Variants in ZDHHC17 observed in about 807,000 individuals in gnomAD.
ZDHHC17 encodes palmitoyltransferase ZDHHC17.
Under a neutral mutation model 90.3 loss-of-function variants are expected in ZDHHC17, and 40 were observed. That is an observed-to-expected ratio of 0.44 (90% CI 0.34 to 0.58). The LOEUF is 0.58. Ranked by LOEUF, ZDHHC17 falls within the 20% of genes least tolerant of loss-of-function variation. The pLI is 0.01. For missense variants in ZDHHC17, 614 were observed against 780.8 expected, an observed-to-expected ratio of 0.79 and a Z score of 2.55; for synonymous variants, 235 against 252.4, an observed-to-expected ratio of 0.93 and a Z score of 0.65.
intron 16 of ZDHHC17, chr12:76,849,672 A>T (rs978450711): frequency 2.7e-6 from 1 of 375,716 alleles, no homozygotes; most frequent in African/African-American, 2.1e-5. Flanking sequence ...ATCTCCTTAT[A>T]TTTTTTTCTT....
intron 2 of ZDHHC17, among the ~76,000 whole-genome samples, chr12:76,804,360 A>T (rs1421865509): frequency 1.3e-5 from 2 of 152,248 alleles, no homozygotes; most frequent in East Asian, 3.8e-4. Flanking sequence ...CCTATGAGGA[A>T]GATAGTAAAT....
rs375693079 is a variant in ZDHHC17, at chr12:76,797,495, A to C, written c.155A>C (p.His52Pro). 1.2e-6 allele frequency: 2 copies of C among 1,611,678 alleles called. No individual in the cohort carries two copies. The highest frequency in any genetic ancestry group is 1.7e-6 in the Non-Finnish European group (2 of 1,178,840). The change falls in exon 2 of 17, where the codon CAT (histidine) becomes CCT (proline). Residue 52 changes from histidine to proline, a missense_variant. Coordinates refer to ENST00000426126, the MANE Select transcript of ZDHHC17 (RefSeq NM_015336.4). ...GGTGAACCTCTTGGACGGAAAACTC[A>C]TATTGATGATTACAGCACATGGGAC... is the stretch of plus-strand genomic sequence containing the variant. ...GYGEPLGRKT[H>P]IDDYSTWDIV...
intron 8 of ZDHHC17, among the ~76,000 whole-genome samples, chr12:76,823,868 A>G (rs1012988096): frequency 2.0e-5 from 3 of 152,148 alleles, no homozygotes; most frequent in African/African-American, 7.2e-5. Context: ...ATGCCATGTT[A>G]ACTCTTCTGT....
intron 3 of ZDHHC17, among the ~76,000 whole-genome samples, 177 bp from the exon 4 acceptor site, chr12:76,808,865 AT>A (rs1287471962): frequency 1.3e-5 from 2 of 151,758 alleles, no homozygotes; most frequent in African/African-American, 4.8e-5. Context: ...CAAAAGAGGT[AT>A]TTGATATAAA....
At chr12:76,820,955 G>A in intron 7 of ZDHHC17, 1 of 653,110 alleles carries the variant, frequency 1.5e-6, no homozygotes, top group South Asian at 1.5e-5. Flanking sequence ...AATGAATTGA[G>A]TGTTTATTTT....
At chr12:76,834,049 C>T (rs1340277201) in intron 10 of ZDHHC17, among the ~76,000 whole-genome samples, 1 of 151,778 alleles carries the variant, frequency 6.6e-6, no homozygotes, top group Non-Finnish European at 1.5e-5. Flanking sequence ...ATTTAAGATA[C>T]AATAAGTGAA....
At chr12:76,772,021 G>A (rs1952498423) in intron 1 of ZDHHC17, among the ~76,000 whole-genome samples, 2 of 152,114 alleles carry the variant, frequency 1.3e-5, no homozygotes, top group Admixed American at 1.3e-4. Flanking sequence ...CTTCCATGTA[G>A]CCGGGACATA....
At chr12:76,845,652 C>G in intron 12 of ZDHHC17, 57 bp from the exon 13 acceptor site, 1 of 669,972 alleles carries the variant, frequency 1.5e-6, no homozygotes, top group Admixed American at 2.9e-5. Flanking sequence ...AATAAATAGT[C>G]AGCTTTTCTC....
At chr12:76,822,161 C>CT (rs773503952) in intron 7 of ZDHHC17, among the ~76,000 whole-genome samples, 2 of 152,228 alleles carry the variant, frequency 1.3e-5, no homozygotes, top group South Asian at 4.1e-4. Flanking sequence ...GATTTGCTCT[C>CT]TAATATGTCA....
chr12:76,778,470 G>A (rs1952585951), intron 1 of ZDHHC17, among the ~76,000 whole-genome samples: 2 of 152,140 alleles, frequency 1.3e-5, no homozygotes, highest in Admixed American at 1.3e-4. Context: ...TGATCTGCCT[G>A]CCTCGGCCTC....
At chr12:76,779,424 AC>A (rs1390006890) in intron 1 of ZDHHC17, among the ~76,000 whole-genome samples, 1 of 152,178 alleles carries the variant, frequency 6.6e-6, no homozygotes, top group Non-Finnish European at 1.5e-5. Context: ...GTCACGTCTT[AC>A]ATGGTGATAG....
intron 1 of ZDHHC17, among the ~76,000 whole-genome samples, chr12:76,781,065 C>T (rs908111980): frequency 5.0e-5 from 7 of 141,048 alleles, no homozygotes; most frequent in Admixed American, 1.6e-4. Flanking sequence ...ACCCGGGAGG[C>T]GGAGCTTGCA....
Position 76,822,429 on chromosome 12 carries a change from A to G in ZDHHC17, c.795A>G (p.Ala265=), listed in dbSNP as rs1953174929. The G allele has an allele frequency of 6.2e-7, 1 of 1,613,970 alleles. No homozygotes were observed. Among genetic ancestry groups the G allele is most frequent in the African/African-American group, 1.3e-5 (1 of 75,068 alleles). Residue 265 remains alanine (A), a synonymous_variant, in exon 8 of 17, where the codon GCA becomes GCG. Coordinates refer to ENST00000426126, the MANE Select transcript of ZDHHC17 (RefSeq NM_015336.4). ...NIKGESALDL[A]KQRKNVWMIN... is the part of the protein sequence containing the mutation. ...AGGGCGAATCAGCGCTTGATTTGGC[A>G]AAACAGAGAAAAAATGTGTGGATGA...
chr12:76,800,887 T>TTTC (rs1555183483), intron 2 of ZDHHC17, among the ~76,000 whole-genome samples: 1 of 137,902 alleles, frequency 7.3e-6, no homozygotes, highest in African/African-American at 2.7e-5. Context: ...TGCCATTTCT[T>TTTC]TTTTTTTTTT....
rs7301278 is a variant in ZDHHC17 at position 76,822,306 on chromosome 12, A to G, written c.772-100A>G. 7,934 of 1,467,666 alleles carry G rather than the reference A, an allele frequency of 5.4e-3. 300 individuals are homozygous for G. The African/African-American group carries it at 0.089, about 16-fold the overall frequency. 90.9% of individuals were successfully genotyped at this position (1,467,666 alleles called of 1,614,324 possible). ...ATTTACACAATGTCAAAACAACGTT[A>G]ATAGGGCAGTAAATTAATTTTTATA... On this transcript the variant is annotated intron_variant, in intron 7 of 16. Coordinates refer to ENST00000426126, the MANE Select transcript of ZDHHC17 (RefSeq NM_015336.4).
rs530001041 is a variant in ZDHHC17 at position 76,835,155 on chromosome 12, A to G, written c.1141+6665A>G. 1.1e-4 allele frequency among the ~76,000 whole-genome samples: 16 copies of G among 151,486 alleles called. No homozygotes were observed. The East Asian group carries it at 1.9e-3, about 18-fold the overall frequency. On this transcript the variant is annotated intron_variant, in intron 10 of 16. Transcript: ENST00000426126. ...CACCTCCACCTCCTGGGTTCAAGCAATTCTCCCACTTCAGCCTCCTAAGTA... is the reference window on the plus strand; with the variant it reads ...CACCTCCACCTCCTGGGTTCAAGCAGTTCTCCCACTTCAGCCTCCTAAGTA...
chr12:76,790,473 G>A (rs1952747799), intron 1 of ZDHHC17, among the ~76,000 whole-genome samples: 1 of 152,176 alleles, frequency 6.6e-6, no homozygotes, highest in African/African-American at 2.4e-5. Context: ...CTGCACTTCA[G>A]CCTGGGTGAC....
chr12:76,844,642 A>T (rs1953472486), intron 12 of ZDHHC17: 1 of 152,146 alleles, frequency 6.6e-6, no homozygotes, highest in African/African-American at 2.4e-5. Context: ...TCCTAAGTAG[A>T]TTTAGTCTAA....
chr12:76,784,397 T>C (rs544119986), intron 1 of ZDHHC17, among the ~76,000 whole-genome samples: 2 of 152,316 alleles, frequency 1.3e-5, no homozygotes, highest in South Asian at 2.1e-4. Context: ...GGTGAAATCA[T>C]TGATGCTTTG....
Sources: gnomAD v4.1 joint callset for allele counts (sites outside exome capture counted in the v4.1 genomes callset) on GRCh38, gnomAD v4.1.1 for gene constraint, MANE v1.5 for transcripts, NCBI Gene and HGNC (gene_info 2026-07-23, HGNC 2026-07-21) for gene names.